MGAT4C: variants seen among roughly 807,000 people sequenced by gnomAD.
MGAT4C encodes MGAT4 family member C, also known as alpha-1,3-mannosyl-glycoprotein 4-beta-N-acetylglucosaminyltransferase C.
A neutral mutation model predicts 40.1 loss-of-function variants in MGAT4C; 19 were observed. The ratio of observed to expected loss-of-function variants is 0.47; its 90% confidence interval spans 0.33 to 0.70. The LOEUF is 0.70. Among genes scored for constraint, MGAT4C ranks in the 30% least tolerant of loss-of-function variants. The pLI, the probability that MGAT4C is intolerant of heterozygous loss-of-function variation, is 0.02. For missense variants in MGAT4C, 491 were observed against 563.2 expected, an observed-to-expected ratio of 0.87 and a Z score of 1.30; for synonymous variants, 181 against 187.1, an observed-to-expected ratio of 0.97 and a Z score of 0.27.
chr12:86,342,915 T>C (rs1954934391), intron 3 of MGAT4C, among the ~76,000 whole-genome samples: 1 of 152,264 alleles, frequency 6.6e-6, no homozygotes, highest in Admixed American at 6.5e-5. Flanking sequence ...GCAAACAGAA[T>C]GTATTACATG....
At chr12:86,797,419 G>C (rs1017535217) in intron 1 of MGAT4C, among the ~76,000 whole-genome samples, 2 of 150,592 alleles carry the variant, frequency 1.3e-5, no homozygotes, top group African/African-American at 2.4e-5. Context: ...AATACCACTG[G>C]CTTCTATATC....
chr12:86,249,845 A>G (rs560555822), intron 1 of MGAT4C, among the ~76,000 whole-genome samples: 1 of 152,248 alleles, frequency 6.6e-6, no homozygotes, highest in East Asian at 1.9e-4. Flanking sequence ...GTGACAGCTT[A>G]TTTTTAAAGA....
chr12:86,818,462 G>A (rs936875011), intron 1 of MGAT4C, among the ~76,000 whole-genome samples: 6 of 151,120 alleles, frequency 4.0e-5, no homozygotes, highest in African/African-American at 1.5e-4. Context: ...AAATCAGAGT[G>A]AATTGTTAGA....
chr12:86,540,930 G>A (rs556227183), intron 2 of MGAT4C, among the ~76,000 whole-genome samples: 137 of 152,222 alleles, frequency 9.0e-4, no homozygotes, highest in African/African-American at 3.3e-3. Flanking sequence ...GGTACACAAG[G>A]GTGGGTGAGG....
At chr12:86,447,031 A>T (rs1195937358) in intron 2 of MGAT4C, among the ~76,000 whole-genome samples, 1 of 152,128 alleles carries the variant, frequency 6.6e-6, no homozygotes, top group Non-Finnish European at 1.5e-5. Flanking sequence ...AACAATACGA[A>T]GGCTAAGGGA....
chr12:86,541,914 T>C (rs1054157189), intron 2 of MGAT4C, among the ~76,000 whole-genome samples: 2 of 152,188 alleles, frequency 1.3e-5, no homozygotes, highest in African/African-American at 4.8e-5. Flanking sequence ...TCAGGTACCC[T>C]TTCCTTGTAG....
At chr12:86,222,531 G>A (rs1457751115) in intron 1 of MGAT4C, among the ~76,000 whole-genome samples, 4 of 152,054 alleles carry the variant, frequency 2.6e-5, no homozygotes, top group Admixed American at 2.6e-4. Context: ...ATATTTGCAA[G>A]GAAGTCAAAG....
chr12:86,235,336 A>G (rs957503831), intron 1 of MGAT4C, among the ~76,000 whole-genome samples: 1 of 152,108 alleles, frequency 6.6e-6, no homozygotes, highest in African/African-American at 2.4e-5. Context: ...ATCTAGCTTC[A>G]GTCCATCAAT....
intron 1 of MGAT4C, among the ~76,000 whole-genome samples, chr12:86,184,040 C>T (rs1888435709): frequency 6.6e-6 from 1 of 152,142 alleles, no homozygotes; most frequent in Non-Finnish European, 1.5e-5. Context: ...ATACAGATCA[C>T]ACTTTCAGAC....
intron 1 of MGAT4C, among the ~76,000 whole-genome samples, chr12:86,087,603 C>A (rs1354834163): frequency 6.6e-6 from 1 of 151,860 alleles, no homozygotes; most frequent in Non-Finnish European, 1.5e-5. Context: ...GATCTAGGAG[C>A]TTTTAGGCTG....
chr12:86,558,647 G>C (rs554429008), intron 2 of MGAT4C, among the ~76,000 whole-genome samples: 3 of 151,986 alleles, frequency 2.0e-5, no homozygotes, highest in Non-Finnish European at 2.9e-5. Context: ...AAATGCATAA[G>C]TGAGTCCTAT....
intron 1 of MGAT4C, among the ~76,000 whole-genome samples, chr12:86,741,782 T>A (rs1289798263): frequency 6.6e-6 from 1 of 151,396 alleles, no homozygotes; most frequent in Non-Finnish European, 1.5e-5. Context: ...TAAGGACTCT[T>A]CTAATCCTGA....
At chr12:86,523,971 T>C (rs1312959403) in intron 2 of MGAT4C, among the ~76,000 whole-genome samples, 1 of 152,162 alleles carries the variant, frequency 6.6e-6, no homozygotes. Context: ...TTTGAGACTA[T>C]GTGTGTTATT....
chr12:86,338,093 G>A (rs1000785088), intron 3 of MGAT4C, among the ~76,000 whole-genome samples: 1 of 152,118 alleles, frequency 6.6e-6, no homozygotes, highest in African/African-American at 2.4e-5. Context: ...AATAATTCAT[G>A]CAGAGCCCAC....
At chr12:86,208,920 G>A (rs568070010) in intron 1 of MGAT4C, among the ~76,000 whole-genome samples, 3 of 152,054 alleles carry the variant, frequency 2.0e-5, no homozygotes, top group East Asian at 1.9e-4. Context: ...CTATACATTC[G>A]CTACTTACTT....
chr12:86,089,791 G>C (rs1009493366), intron 1 of MGAT4C, among the ~76,000 whole-genome samples: 11 of 151,474 alleles, frequency 7.3e-5, no homozygotes, highest in African/African-American at 2.7e-4. Flanking sequence ...AGATTTTACA[G>C]TTTGTATTTG....
intron 1 of MGAT4C, among the ~76,000 whole-genome samples, chr12:86,120,278 G>T (rs1879159131): frequency 6.6e-6 from 1 of 152,002 alleles, no homozygotes; most frequent in African/African-American, 2.4e-5. Flanking sequence ...ACAATGGGCA[G>T]ATTTTTCCTG....
intron 4 of MGAT4C, among the ~76,000 whole-genome samples, chr12:86,284,538 T>C (rs758644819): frequency 3.9e-5 from 6 of 151,982 alleles, no homozygotes; most frequent in Non-Finnish European, 7.4e-5. Flanking sequence ...AAATATTTTA[T>C]AATTCCACCC....
intron 1 of MGAT4C, among the ~76,000 whole-genome samples, chr12:86,118,287 T>C (rs146209727): frequency 6.6e-6 from 1 of 152,268 alleles, no homozygotes; most frequent in Non-Finnish European, 1.5e-5. Flanking sequence ...ACTTGTCCTA[T>C]TGTTCAGGGT....
Sources: allele counts gnomAD v4.1 joint callset (sites outside exome capture counted in the v4.1 genomes callset), GRCh38; gene constraint gnomAD v4.1.1; transcripts MANE v1.5; gene names NCBI Gene and HGNC (gene_info 2026-07-23, HGNC 2026-07-21).